Variants in ZP2 observed in about 807,000 individuals in gnomAD.
The protein encoded by ZP2 is zona pellucida sperm-binding protein 2.
In ZP2, 51 loss-of-function variants were observed where a neutral mutation model predicts 84.0. That is an observed-to-expected ratio of 0.61 (90% CI 0.49 to 0.77). The LOEUF is 0.77. ZP2 is among the 30% of genes least tolerant of loss of function. The pLI, the probability that ZP2 is intolerant of heterozygous loss-of-function variation, is 0.00. For synonymous variants in ZP2, 375 were observed against 330.9 expected (o/e 1.13, Z -1.45); for missense variants, 909 against 911.9 (o/e 1.00, Z 0.04).
At chr16:21,205,618 G>A (rs1397728532) in intron 6 of ZP2, 34 bp from the exon 7 acceptor site, 1 of 1,613,356 alleles carries the variant, frequency 6.2e-7, no homozygotes. Flanking sequence ...GAGGGCTGGT[G>A]CTCCCTTAAC....
chr16:21,209,449 G>T (rs564501591), intron 4 of ZP2, among the ~76,000 whole-genome samples, 182 bp downstream of exon 4: 1 of 152,166 alleles, frequency 6.6e-6, no homozygotes, highest in Non-Finnish European at 1.5e-5. Context: ...GATTATAGGC[G>T]TGAGCCATCA....
At position 21,201,920 on chromosome 16, in the gene ZP2, A is replaced by G. The variant is rs145858695; in HGVS notation, c.1379+12T>C. 2.3e-3 allele frequency: 3,633 copies of G among 1,613,174 alleles called. 12 individuals carry two copies. Among genetic ancestry groups the G allele is most frequent in the Middle Eastern group, 3.0e-3 (18 of 6,058 alleles). The stretch of plus-strand genomic sequence containing the variant: ...ACTAGAGCTTAAGAGTCAAATAGCA[A>G]TTTTATCTCACCTGAACTCACTGTC... On this transcript the variant is annotated intron_variant, in intron 12 of 18. Coordinates refer to ENST00000574091, the MANE Select transcript of ZP2 (RefSeq NM_001376232.1).
Position 21,197,800 on chromosome 16 carries a change from A to G in ZP2, c.2061T>C (p.Ser687=), listed in dbSNP as rs1302761286. 36 of 1,613,618 alleles carry G rather than the reference A, an allele frequency of 2.2e-5. No individual in the cohort carries two copies. Among genetic ancestry groups the G allele is most frequent in the Non-Finnish European group, 2.9e-5 (34 of 1,179,930 alleles). ...LKASGSSGEK[S]RSETGEEVGS... ...CAACCTCCTCCCCTGTTTCACTCCTACTCTTCTCCCCACTGCTCCCACTTG... is the reference window on the plus strand; with the variant it reads ...CAACCTCCTCCCCTGTTTCACTCCTGCTCTTCTCCCCACTGCTCCCACTTG... The change falls in exon 18 of 19, where the codon AGT becomes AGC. Residue 687 remains serine (S), a synonymous_variant. Coordinates refer to ENST00000574091, the MANE Select transcript of ZP2 (RefSeq NM_001376232.1).
Position 21,204,310 on chromosome 16 carries a change from G to A in ZP2, c.788C>T (p.Pro263Leu). 1 of 1,613,942 alleles carries A rather than the reference G, an allele frequency of 6.2e-7. No homozygotes were observed. Among genetic ancestry groups the A allele is most frequent in the East Asian group, 2.2e-5 (1 of 44,886 alleles). Residue 263 changes from proline to leucine, a missense_variant and splice_region_variant, in exon 8 of 19, where the codon CCA becomes CTA. Physicochemically the swap from Pro to Leu is moderately conservative, Grantham distance 98. Coordinates refer to ENST00000574091, the MANE Select transcript of ZP2 (RefSeq NM_001376232.1). ...GTTGCAGCTATCTGGGACCTTACCT[G>A]GTGCACAAATAGCTTGTGAAGAGAA... is the stretch of plus-strand genomic sequence containing the variant. ...VIFSSQAICA[P>L]DPVTCNATHM...
chr16:21,201,589 G>T lies in ZP2; in HGVS notation c.1505-31C>A, dbSNP rs1186812502. On this transcript the variant is annotated intron_variant, in intron 13 of 18. Transcript: ENST00000574091. The stretch of plus-strand genomic sequence containing the variant: ...ATTGAATGGTATTCAAGTAGTTAAT[G>T]GCTGCAACACAGATTCATAGGTCAT... 5 of 1,601,272 alleles carry T rather than the reference G, an allele frequency of 3.1e-6. No individual in the cohort carries two copies. In the African/African-American group the frequency reaches 5.3e-5, roughly 17 times the overall value.
At chr16:21,210,570 TTTTA>T (rs149063614) in intron 2 of ZP2, among the ~76,000 whole-genome samples, 966 of 152,004 alleles carry the variant, frequency 6.4e-3, no homozygotes, top group Non-Finnish European at 0.011. Context: ...GTCCCAGGAC[TTTTA>T]TTTATTTATT....
At chr16:21,210,015 A>C in intron 3 of ZP2, 94 bp downstream of exon 3, 1 of 1,126,846 alleles carries the variant, frequency 8.9e-7, no homozygotes, top group Non-Finnish European at 1.3e-6. Flanking sequence ...CCGTTGCTGC[A>C]GGAGTTTGGG....
At chr16:21,211,021 T>C (rs1167387908) in intron 2 of ZP2, among the ~76,000 whole-genome samples, 1 of 152,156 alleles carries the variant, frequency 6.6e-6, no homozygotes, top group African/African-American at 2.4e-5. Context: ...GTTTGAAGAT[T>C]GCTGCTCCTA....
intron 14 of ZP2, 137 bp downstream of exon 14, chr16:21,201,232 G>T (rs2093223533): frequency 5.7e-6 from 4 of 696,220 alleles, no homozygotes; most frequent in Admixed American, 3.6e-5. Context: ...AGGCAGAAGA[G>T]TCCCAATTAG....
At chr16:21,207,469 A>G (rs1450404133) in intron 4 of ZP2, among the ~76,000 whole-genome samples, 1 of 152,102 alleles carries the variant, frequency 6.6e-6, no homozygotes, top group Non-Finnish European at 1.5e-5. Flanking sequence ...TCCATAGCAT[A>G]TTTCCTTAAA....
chr16:21,213,324 C>T (rs372723166), upstream of ZP2, among the ~76,000 whole-genome samples: 79 of 152,320 alleles, frequency 5.2e-4, 1 homozygote, highest in African/African-American at 1.8e-3. Flanking sequence ...GGATTACAGG[C>T]GTGAGCCACT....
chr16:21,211,912 C>A (rs918672978), upstream of ZP2, among the ~76,000 whole-genome samples: 3 of 150,672 alleles, frequency 2.0e-5, no homozygotes, highest in Non-Finnish European at 4.4e-5. Flanking sequence ...AAAAACAAGT[C>A]TTGTTCACAC....
Position 21,203,259 on chromosome 16 carries a change from G to C in ZP2, c.973-8C>G, listed in dbSNP as rs1355679340. 8.1e-6 allele frequency: 13 copies of C among 1,612,920 alleles called. No individual in the cohort carries two copies. ...TAGGCATTTTTCAGATAACTGAAAT[G>C]AGAAAATGTCAATTAGCAGCCACAG... On this transcript the variant is annotated splice_region_variant and splice_polypyrimidine_tract_variant and intron_variant, in intron 9 of 18. Transcript: ENST00000574091.
At chr16:21,203,935 C>G in intron 9 of ZP2, 95 bp downstream of exon 9, 1 of 1,387,574 alleles carries the variant, frequency 7.2e-7, no homozygotes, top group Non-Finnish European at 1.0e-6. Flanking sequence ...GCAATTAGAG[C>G]TCACGGGCAA....
Position 21,201,687 on chromosome 16 carries a change from A to C in ZP2, c.1504+19T>G, listed in dbSNP as rs747297867. The stretch of plus-strand genomic sequence containing the variant: ...AGTTTGAGATCATTTAAGCAATTTC[A>C]CAGACTGCAATCTCTTACCTGGGTA... On this transcript the variant is annotated intron_variant, in intron 13 of 18. Transcript: ENST00000574091. 1.2e-6 allele frequency: 2 copies of C among 1,613,972 alleles called. No individual in the cohort carries two copies. The highest frequency in any genetic ancestry group is 2.7e-5 in the African/African-American group (2 of 75,040).
At chr16:21,203,353 C>G in intron 9 of ZP2, 102 bp from the exon 10 acceptor site, 1 of 1,494,106 alleles carries the variant, frequency 6.7e-7, no homozygotes. Flanking sequence ...AGGACACACT[C>G]CAGACTTATC....
rs141953642 is a variant in ZP2, at chr16:21,209,673, C to A, written c.288G>T (p.Lys96Asn). ...TATCATAGGTAGCCCTCAGGGTGAGCTTTTCTGGGTCCAGGATGTAAGTGC... is the reference window on the plus strand; with the variant it reads ...TATCATAGGTAGCCCTCAGGGTGAGATTTTCTGGGTCCAGGATGTAAGTGC... ...PNCTYILDPE[K>N]LTLRATYDNC... is the part of the protein sequence containing the mutation. Residue 96 changes from lysine (K) to asparagine (N), a missense_variant, in exon 4 of 19, where the codon AAG becomes AAT. Physicochemically the swap from Lys to Asn is moderately conservative, Grantham distance 94. Transcript: ENST00000574091. 15 of 1,614,180 alleles carry A rather than the reference C, an allele frequency of 9.3e-6. No individual in the cohort carries two copies. The highest frequency in any genetic ancestry group is 1.3e-5 in the Non-Finnish European group (15 of 1,180,024).
Position 21,199,757 on chromosome 16 carries a change from C to A in ZP2, c.1816G>T (p.Val606Leu). 6.2e-7 allele frequency: 1 copy of A among 1,614,060 alleles called. No individual in the cohort carries two copies. The highest frequency in any genetic ancestry group is 1.1e-5 in the South Asian group (1 of 91,070). ...GAATCACTTACCAGGCTAGAGAGCA[C>A]GTGGGCTTCTGATACAAAGGCAAAA... ...KAFAFVSEAH[V>L]LSSLVYFHCS... Residue 606 changes from valine (V) to leucine (L), a missense_variant, in exon 15 of 19, where the codon GTG (valine) becomes TTG (leucine). Coordinates refer to ENST00000574091, the MANE Select transcript of ZP2 (RefSeq NM_001376232.1).
At chr16:21,211,020 T>G (rs2093272629) in intron 2 of ZP2, among the ~76,000 whole-genome samples, 1 of 152,112 alleles carries the variant, frequency 6.6e-6, no homozygotes, top group Admixed American at 6.6e-5. Context: ...TGTTTGAAGA[T>G]TGCTGCTCCT....
Sources: allele counts gnomAD v4.1 joint callset (sites outside exome capture counted in the v4.1 genomes callset), GRCh38; gene constraint gnomAD v4.1.1; transcripts MANE v1.5; gene names NCBI Gene and HGNC (gene_info 2026-07-23, HGNC 2026-07-21).